CCSER2: variants seen among roughly 807,000 people sequenced by gnomAD.
The protein encoded by CCSER2 is serine-rich coiled-coil domain-containing protein 2.
In CCSER2, 46 loss-of-function variants were observed where a neutral mutation model predicts 92.3. The ratio of observed to expected loss-of-function variants is 0.50; its 90% CI spans 0.39 to 0.64. The LOEUF is 0.64. CCSER2 is among the 30% of genes least tolerant of loss of function. CCSER2 has a pLI of 0.00. For synonymous variants in CCSER2, 433 were observed against 431.4 expected (o/e 1.00, Z -0.04); for missense variants, 1,244 against 1,238.9 (o/e 1.00, Z -0.06).
Position 84,515,428 on chromosome 10 carries a change from C to T in CCSER2, c.*1161C>T, listed in dbSNP as rs1849564346. The T allele has an allele frequency of 6.6e-6, 1 of 151,946 alleles. No individual in the cohort carries two copies. The highest frequency in any genetic ancestry group is 1.9e-4 in the East Asian group (1 of 5,186). The allele number at this position is 151,946 out of a possible 1,614,324, so 9.4% of individuals were successfully genotyped here. A position where few individuals can be genotyped will look rare whatever the true frequency, so the allele number is the denominator to read the frequency against. ...CTCCAGTCTCCTAGGTTTCCCTTTT[C>T]TGTGTTTTTTGTTTTTTTCTGTTTG... is the stretch of plus-strand genomic sequence containing the variant. On this transcript the variant is annotated 3_prime_UTR_variant, in exon 10 of 10. Transcript: ENST00000372088.
At chr10:84,377,057 A>G (rs1846376654) in intron 3 of CCSER2, among the ~76,000 whole-genome samples, 1 of 152,060 alleles carries the variant, frequency 6.6e-6, no homozygotes, top group Non-Finnish European at 1.5e-5. Flanking sequence ...TGACATAAAT[A>G]TTTATTTTAT....
rs371603210 is a variant in CCSER2, at chr10:84,456,776, T to C, written c.2065-7157T>C. Among the ~76,000 whole-genome samples the C allele has an allele frequency of 2.7e-4, 41 of 152,284 alleles. No homozygotes were observed. The South Asian group carries it at 7.0e-3, about 26-fold the overall frequency. ...ATTATCAGTGTATTATAAAAGCCAC[T>C]GAATAGGTGTTTAGTGGTATCTCAT... On this transcript the variant is annotated intron_variant, in intron 6 of 9. Transcript: ENST00000372088.
intron 1 of CCSER2, among the ~76,000 whole-genome samples, chr10:84,338,597 G>A (rs1843983856): frequency 6.6e-6 from 1 of 152,132 alleles, no homozygotes; most frequent in Non-Finnish European, 1.5e-5. Flanking sequence ...CTGCAGTTTT[G>A]TGCAGTGCTT....
At chr10:84,400,759 C>T (rs940976340) in intron 3 of CCSER2, among the ~76,000 whole-genome samples, 2 of 151,942 alleles carry the variant, frequency 1.3e-5, no homozygotes, top group African/African-American at 4.8e-5. Flanking sequence ...ACTAAAAATA[C>T]AAAAATTAGC....
At chr10:84,357,576 A>G (rs769396945) in intron 1 of CCSER2, among the ~76,000 whole-genome samples, 16 of 151,064 alleles carry the variant, frequency 1.1e-4, no homozygotes, top group Admixed American at 5.3e-4. Flanking sequence ...CAGCCTCCCG[A>G]GTAGCTGGGA....
intron 9 of CCSER2, 48 bp downstream of exon 9, chr10:84,477,712 G>A: frequency 9.7e-7 from 1 of 1,028,582 alleles, no homozygotes; most frequent in African/African-American, 1.6e-5. Context: ...TTGCTATTTT[G>A]ATGTTTTATT....
intron 3 of CCSER2, among the ~76,000 whole-genome samples, chr10:84,409,079 C>T (rs1430330915): frequency 6.6e-6 from 1 of 152,096 alleles, no homozygotes; most frequent in Non-Finnish European, 1.5e-5. Context: ...CAACCTCCAC[C>T]TCCCGGGTTC....
At chr10:84,438,738 A>G (rs975304725) in intron 6 of CCSER2, 31 bp downstream of exon 6, 6 of 1,342,530 alleles carry the variant, frequency 4.5e-6, no homozygotes, top group Non-Finnish European at 5.1e-6. Context: ...TCCAGCTCTG[A>G]TATTTTGAAT....
chr10:84,392,814 A>T (rs534381643), intron 3 of CCSER2, among the ~76,000 whole-genome samples: 1 of 152,306 alleles, frequency 6.6e-6, no homozygotes, highest in East Asian at 1.9e-4. Flanking sequence ...TAAAGATGAC[A>T]TCTTAATTTT....
intron 3 of CCSER2, among the ~76,000 whole-genome samples, chr10:84,382,422 A>C (rs985288281): frequency 2.0e-5 from 3 of 152,218 alleles, no homozygotes; most frequent in Admixed American, 2.0e-4. Context: ...TGAACTCAAT[A>C]AACTTTTAAC....
At chr10:84,378,851 G>C (rs1846488728) in intron 3 of CCSER2, among the ~76,000 whole-genome samples, 1 of 152,164 alleles carries the variant, frequency 6.6e-6, no homozygotes, top group South Asian at 2.1e-4. Context: ...GGGACTACAG[G>C]TGCATGCCAC....
chr10:84,499,120 A>C (rs140791484), intron 9 of CCSER2, among the ~76,000 whole-genome samples: 1 of 152,086 alleles, frequency 6.6e-6, no homozygotes, highest in African/African-American at 2.4e-5. Context: ...TCCTCTGAAA[A>C]CCTGTGATTT....
intron 8 of CCSER2, among the ~76,000 whole-genome samples, chr10:84,477,211 A>G (rs979514731): frequency 6.6e-6 from 1 of 152,200 alleles, no homozygotes; most frequent in Non-Finnish European, 1.5e-5. Flanking sequence ...TATGGACAAT[A>G]TAAGAGATTG....
At chr10:84,508,253 A>G (rs1474901401) in intron 9 of CCSER2, among the ~76,000 whole-genome samples, 2 of 152,228 alleles carry the variant, frequency 1.3e-5, no homozygotes, top group Non-Finnish European at 2.9e-5. Context: ...GAGATCATGC[A>G]TGCAGACTCA....
chr10:84,335,234 T>TC (rs1843770505), intron 1 of CCSER2, among the ~76,000 whole-genome samples: 1 of 131,970 alleles, frequency 7.6e-6, no homozygotes, highest in Non-Finnish European at 1.6e-5. Context: ...CTCTCTTTTT[T>TC]TTTTTTTTTT....
In CCSER2 at chr10:84,403,127, G is replaced by A. The variant is rs76355020; in HGVS notation, c.1615-14644G>A. ...GCATAGACACATAGATCAATGGAAC[G>A]GAATAGAGAACCCTGAAGTAGACCT... On this transcript the variant is annotated intron_variant, in intron 3 of 9. Coordinates refer to ENST00000372088, the MANE Select transcript of CCSER2 (RefSeq NM_001284240.2). 1.5e-4 allele frequency among the ~76,000 whole-genome samples: 23 copies of A among 152,084 alleles called. No individual in the cohort carries two copies. The East Asian group carries it at 3.5e-3, about 23-fold the overall frequency.
At chr10:84,379,805 ATTTG>A (rs1182829182) in intron 3 of CCSER2, among the ~76,000 whole-genome samples, 2 of 152,020 alleles carry the variant, frequency 1.3e-5, no homozygotes, top group Non-Finnish European at 2.9e-5. Context: ...GTATATGTGT[ATTTG>A]TATTGTAGTT....
intron 8 of CCSER2, chr10:84,473,022 TTTG>T (rs1564701368): frequency 6.6e-6 from 1 of 152,194 alleles, no homozygotes; most frequent in East Asian, 1.9e-4. Context: ...TTTGTATTGA[TTTG>T]TTGAAGAGAC....
At chr10:84,423,689 C>T (rs139652162) in intron 4 of CCSER2, among the ~76,000 whole-genome samples, 2 of 152,114 alleles carry the variant, frequency 1.3e-5, no homozygotes, top group Non-Finnish European at 2.9e-5. Context: ...GAATTCAGAA[C>T]AGTTAAATGT....
Sources: allele counts gnomAD v4.1 joint callset (sites outside exome capture counted in the v4.1 genomes callset), GRCh38; gene constraint gnomAD v4.1.1; transcripts MANE v1.5; gene names NCBI Gene and HGNC (gene_info 2026-07-23, HGNC 2026-07-21).